Variants in RHOBTB3 observed in about 807,000 individuals in gnomAD.
RHOBTB3 encodes rho-related BTB domain-containing protein 3.
Under a neutral mutation model 67.2 loss-of-function variants are expected in RHOBTB3, and 47 were observed. That is an observed-to-expected ratio of 0.70 (90% CI 0.55 to 0.89). RHOBTB3 has a LOEUF of 0.89. Among genes scored for constraint, RHOBTB3 ranks in the 40% least tolerant of loss-of-function variants. The pLI is 0.00. For synonymous variants in RHOBTB3, 273 were observed against 274.2 expected (o/e 1.00, Z 0.04); for missense variants, 631 against 750.0 (o/e 0.84, Z 1.85).
intron 7 of RHOBTB3, among the ~76,000 whole-genome samples, chr5:95,765,204 A>G (rs1402795182): frequency 6.6e-6 from 1 of 152,208 alleles, no homozygotes; most frequent in Non-Finnish European, 1.5e-5. Context: ...CATGTGTAAT[A>G]TACATCTATA....
At chr5:95,767,190 C>A (rs932088363) in intron 7 of RHOBTB3, among the ~76,000 whole-genome samples, 1 of 151,548 alleles carries the variant, frequency 6.6e-6, no homozygotes, top group Non-Finnish European at 1.5e-5. Flanking sequence ...TAGCCTGGGC[C>A]ACAGAGCAAG....
chr5:95,723,353 A>G (rs749156749), intron 1 of RHOBTB3, among the ~76,000 whole-genome samples: 7 of 152,218 alleles, frequency 4.6e-5, no homozygotes, highest in Non-Finnish European at 1.0e-4. Context: ...CACAACTGAG[A>G]TTACAGCCTT....
chr5:95,743,627 G>C (rs1233580155), intron 3 of RHOBTB3, among the ~76,000 whole-genome samples: 1 of 149,562 alleles, frequency 6.7e-6, no homozygotes, highest in Non-Finnish European at 1.5e-5. Context: ...CTCCCTCCCT[G>C]TCTTTCTCCC....
chr5:95,784,570 A>G (rs1746164434), intron 10 of RHOBTB3, among the ~76,000 whole-genome samples: 1 of 152,086 alleles, frequency 6.6e-6, no homozygotes, highest in Non-Finnish European at 1.5e-5. Context: ...TTTGTTTTCA[A>G]TAATTATATC....
chr5:95,731,076 C>A, upstream of RHOBTB3: 1 of 1,085,244 alleles, frequency 9.2e-7, no homozygotes, highest in Non-Finnish European at 1.1e-6. Flanking sequence ...AAACTTGCTG[C>A]AGGCGGATTG....
chr5:95,789,023 C>A, intron 11 of RHOBTB3, 165 bp downstream of exon 11: 1 of 531,722 alleles, frequency 1.9e-6, no homozygotes, highest in South Asian at 2.7e-5. Context: ...TTTATAGTCA[C>A]CTGTGTTACA....
At chr5:95,771,528 G>GAAAAA (rs1745713039) in intron 8 of RHOBTB3, among the ~76,000 whole-genome samples, 1 of 152,108 alleles carries the variant, frequency 6.6e-6, no homozygotes, top group South Asian at 2.1e-4. Flanking sequence ...AAACAACTGG[G>GAAAAA]AAAAAAGCTA....
At chr5:95,736,336 C>T (rs1451492721) in intron 2 of RHOBTB3, among the ~76,000 whole-genome samples, 1 of 152,116 alleles carries the variant, frequency 6.6e-6, no homozygotes, top group African/African-American at 2.4e-5. Flanking sequence ...TCCCTCACCC[C>T]ACATTCATAC....
intron 3 of RHOBTB3, among the ~76,000 whole-genome samples, chr5:95,738,078 A>G (rs751456658): frequency 4.6e-5 from 7 of 152,164 alleles, no homozygotes; most frequent in Non-Finnish European, 8.8e-5. Context: ...ATTACTATAT[A>G]TTAGTCCATT....
intron 8 of RHOBTB3, chr5:95,769,360 C>G: frequency 2.2e-6 from 1 of 455,244 alleles, no homozygotes; most frequent in Non-Finnish European, 4.4e-6. Context: ...ACTGTACTTG[C>G]ACTCCCTATG....
Position 95,794,085 on chromosome 5 carries a change from C to T in RHOBTB3, c.*911C>T. The stretch of plus-strand genomic sequence containing the variant: ...GAGGGAAGAGAACATAGTGAAGATT[C>T]CCGCCTTTGGGGAGGTCTGGACCAC... On this transcript the variant is annotated 3_prime_UTR_variant, in exon 12 of 12. Coordinates refer to ENST00000379982, the MANE Select transcript of RHOBTB3 (RefSeq NM_014899.4). The T allele has an allele frequency of 2.2e-6, 1 of 455,526 alleles. No individual in the cohort carries two copies. Among genetic ancestry groups the T allele is most frequent in the Non-Finnish European group, 4.4e-6 (1 of 226,650 alleles). The allele number at this position is 455,526 out of a possible 1,614,324, so 28.2% of individuals were successfully genotyped here. A position where few individuals can be genotyped will look rare whatever the true frequency, so the allele number is the denominator to read the frequency against.
chr5:95,738,272 TG>T (rs1755505534), intron 3 of RHOBTB3, among the ~76,000 whole-genome samples: 2 of 152,190 alleles, frequency 1.3e-5, no homozygotes, highest in Non-Finnish European at 2.9e-5. Context: ...TTTTTATTTC[TG>T]GTCATGATTC....
At position 95,794,295 on chromosome 5, in the gene RHOBTB3, C is replaced by A; in HGVS notation, c.*1121C>A. On this transcript the variant is annotated 3_prime_UTR_variant, in exon 12 of 12. Coordinates refer to ENST00000379982, the MANE Select transcript of RHOBTB3 (RefSeq NM_014899.4). Reference sequence around the variant, plus strand: ...TTTAATACACATGTATAAAGATGTTCACAGAGAAAGATGCTCTGTAGAGAA... The same window carrying A: ...TTTAATACACATGTATAAAGATGTTAACAGAGAAAGATGCTCTGTAGAGAA... 1 of 184,942 alleles carries A rather than the reference C, an allele frequency of 5.4e-6. No individual in the cohort carries two copies. The highest frequency in any genetic ancestry group is 1.0e-4 in the South Asian group (1 of 9,910). The allele number at this position is 184,942 out of a possible 1,614,324, so 11.5% of individuals were successfully genotyped here. A position where few individuals can be genotyped will look rare whatever the true frequency, so the allele number is the denominator to read the frequency against.
intron 6 of RHOBTB3, among the ~76,000 whole-genome samples, chr5:95,759,188 C>T (rs994035547): frequency 6.6e-6 from 1 of 152,242 alleles, no homozygotes; most frequent in Non-Finnish European, 1.5e-5. Flanking sequence ...GGCTTCTTAA[C>T]CTGACACTGA....
chr5:95,765,747 C>G lies in RHOBTB3; in HGVS notation c.1161+2127C>G, dbSNP rs565935960. On this transcript the variant is annotated intron_variant, in intron 7 of 11. Transcript: ENST00000379982. ...TGTGATCTCTGCTCACTGCAAGCTC[C>G]GCCTCCCGGGTTCATGCCATTCTCC... Among the ~76,000 whole-genome samples, 573 of 152,276 alleles carry G rather than the reference C, an allele frequency of 3.8e-3. 5 individuals are homozygous for G. Among genetic ancestry groups the G allele is most frequent in the Non-Finnish European group, 4.5e-3 (309 of 68,008 alleles).
At chr5:95,788,610 C>G (rs1200157566) in intron 10 of RHOBTB3, 152 bp from the exon 11 acceptor site, 4 of 590,332 alleles carry the variant, frequency 6.8e-6, no homozygotes, top group Non-Finnish European at 1.2e-5. Context: ...CTCATCCTGT[C>G]TGCTGTCACA....
At chr5:95,737,750 A>G (rs754473095) in intron 3 of RHOBTB3, among the ~76,000 whole-genome samples, 19 of 152,242 alleles carry the variant, frequency 1.2e-4, no homozygotes, top group Non-Finnish European at 2.5e-4. Context: ...AGTAAAGGAC[A>G]TAAGGTTTAC....
At chr5:95,780,868 G>A (rs1478779994) in intron 9 of RHOBTB3, among the ~76,000 whole-genome samples, 3 of 152,160 alleles carry the variant, frequency 2.0e-5, no homozygotes, top group African/African-American at 7.2e-5. Flanking sequence ...AATATTCTGA[G>A]ACTTTTTTGG....
chr5:95,718,035 G>A (rs2112740646), intron 1 of RHOBTB3, among the ~76,000 whole-genome samples: 1 of 152,174 alleles, frequency 6.6e-6, no homozygotes, highest in East Asian at 1.9e-4. Flanking sequence ...AATTTTCCAG[G>A]TGAGCAATTT....
Sources: gnomAD v4.1 joint callset for allele counts (sites outside exome capture counted in the v4.1 genomes callset) on GRCh38, gnomAD v4.1.1 for gene constraint, MANE v1.5 for transcripts, NCBI Gene and HGNC (gene_info 2026-07-23, HGNC 2026-07-21) for gene names.